The following CCSER2 variants were observed in gnomAD, a reference collection of about 807,000 sequenced individuals.
The protein encoded by CCSER2 is serine-rich coiled-coil domain-containing protein 2.
Under a neutral mutation model 92.3 loss-of-function variants are expected in CCSER2, and 46 were observed. The observed-to-expected ratio is 0.50, with a 90% confidence interval of 0.39 to 0.64. CCSER2 has a LOEUF of 0.64. Ranked by LOEUF, CCSER2 falls within the 30% of genes least tolerant of loss-of-function variation. CCSER2 has a pLI of 0.00. For missense variants in CCSER2, 1,244 were observed against 1,238.9 expected (o/e 1.00, Z -0.06); for synonymous variants, 433 against 431.4 (o/e 1.00, Z -0.04).
intron 3 of CCSER2, among the ~76,000 whole-genome samples, chr10:84,378,994 T>A (rs902202319): frequency 3.3e-5 from 5 of 152,238 alleles, no homozygotes; most frequent in Non-Finnish European, 7.3e-5. Context: ...GGCTTTATAA[T>A]GAGTTGAGAA....
At chr10:84,356,128 T>C (rs1267459325) in intron 1 of CCSER2, among the ~76,000 whole-genome samples, 1 of 150,508 alleles carries the variant, frequency 6.6e-6, no homozygotes, top group East Asian at 1.9e-4. Flanking sequence ...AAAGGTGTTG[T>C]ATTAATCTGA....
At chr10:84,402,791 G>T (rs1842187464) in intron 3 of CCSER2, among the ~76,000 whole-genome samples, 1 of 152,132 alleles carries the variant, frequency 6.6e-6, no homozygotes, top group Non-Finnish European at 1.5e-5. Context: ...TTCAGCCAGT[G>T]TTATAAGCCA....
In CCSER2 at chr10:84,457,287, T is replaced by TATATATA. The variant is rs1845732892; in HGVS notation, c.2065-6640_2065-6639insAATATAT. Among the ~76,000 whole-genome samples, 40 of 51,290 alleles carry TATATATA rather than the reference T, an allele frequency of 7.8e-4. 1 individual carries two copies. The highest frequency in any genetic ancestry group is 1.2e-3 in the Non-Finnish European group (34 of 28,176). 33.6% of individuals were successfully genotyped at this position (51,290 alleles called of 152,430 possible). On this transcript the variant is annotated intron_variant, in intron 6 of 9. Coordinates refer to ENST00000372088, the MANE Select transcript of CCSER2 (RefSeq NM_001284240.2). ...ATATTATATATAATATATTATATAT[T>TATATATA]ATATATTATATATAATATGTTATAT...
At chr10:84,364,190 A>T (rs1845659307) in intron 1 of CCSER2, among the ~76,000 whole-genome samples, 1 of 152,202 alleles carries the variant, frequency 6.6e-6, no homozygotes, top group Non-Finnish European at 1.5e-5. Context: ...AAGGCCTAAG[A>T]CATCATTGCA....
chr10:84,332,436 A>ATATATATATATATTTT (rs1401635246), intron 1 of CCSER2, among the ~76,000 whole-genome samples: 1 of 55,206 alleles, frequency 1.8e-5, no homozygotes, highest in African/African-American at 1.2e-4. Flanking sequence ...ATATATATAT[A>ATATATATATATATTTT]TTTTTTTTTT....
chr10:84,445,088 A>G (rs892350308), intron 6 of CCSER2, among the ~76,000 whole-genome samples: 1 of 152,178 alleles, frequency 6.6e-6, no homozygotes, highest in Non-Finnish European at 1.5e-5. Flanking sequence ...TTGAATAAGA[A>G]TTTTGACCCT....
At chr10:84,396,515 A>G (rs1487613863) in intron 3 of CCSER2, among the ~76,000 whole-genome samples, 2 of 151,834 alleles carry the variant, frequency 1.3e-5, no homozygotes, top group East Asian at 3.9e-4. Context: ...TTTTAGGTTC[A>G]TTTGTTGCTG....
At chr10:84,373,076 C>A (rs1442621693) in intron 2 of CCSER2, among the ~76,000 whole-genome samples, 5 of 151,802 alleles carry the variant, frequency 3.3e-5, no homozygotes, top group Non-Finnish European at 5.9e-5. Context: ...ATTTGTATGC[C>A]CATATACCTG....
At chr10:84,417,747 A>AT (rs753728332) in intron 3 of CCSER2, 24 bp from the exon 4 acceptor site, 12 of 1,210,044 alleles carry the variant, frequency 9.9e-6, no homozygotes, top group Non-Finnish European at 1.4e-5. Flanking sequence ...ATTATGGTAT[A>AT]TTTTTTACTG....
intron 1 of CCSER2, among the ~76,000 whole-genome samples, chr10:84,337,643 A>G (rs138019749): frequency 2.6e-5 from 4 of 152,334 alleles, no homozygotes; most frequent in African/African-American, 9.6e-5. Context: ...TTTTTAAAAG[A>G]TGGATGCTCT....
intron 9 of CCSER2, among the ~76,000 whole-genome samples, chr10:84,497,302 G>A (rs79404205): frequency 1.8e-4 from 27 of 152,360 alleles, no homozygotes; most frequent in African/African-American, 6.5e-4. Flanking sequence ...ACGCATTGTA[G>A]GTGGCAGAAA....
intron 9 of CCSER2, among the ~76,000 whole-genome samples, chr10:84,510,912 A>T (rs766046349): frequency 6.6e-6 from 1 of 152,112 alleles, no homozygotes; most frequent in Non-Finnish European, 1.5e-5. Context: ...CGTGAAAGAG[A>T]CTTTTTGTTT....
chr10:84,336,057 A>G (rs1006367005), intron 1 of CCSER2, among the ~76,000 whole-genome samples: 3 of 151,822 alleles, frequency 2.0e-5, no homozygotes, highest in African/African-American at 7.3e-5. Context: ...TATTTTCCTC[A>G]TTTTAGGAGT....
chr10:84,349,862 A>G (rs1589415762), intron 1 of CCSER2, among the ~76,000 whole-genome samples: 1 of 152,044 alleles, frequency 6.6e-6, no homozygotes, highest in African/African-American at 2.4e-5. Flanking sequence ...TTAGAAATGT[A>G]AATCAGATCG....
intron 3 of CCSER2, among the ~76,000 whole-genome samples, chr10:84,381,283 C>T (rs191866023): frequency 1.4e-3 from 209 of 152,186 alleles, no homozygotes; most frequent in African/African-American, 4.5e-3. Flanking sequence ...AGACTTCATC[C>T]GAAGTTGGTA....
At chr10:84,398,034 A>G (rs1416610254) in intron 3 of CCSER2, among the ~76,000 whole-genome samples, 1 of 152,074 alleles carries the variant, frequency 6.6e-6, no homozygotes, top group East Asian at 1.9e-4. Context: ...AAAACAACAC[A>G]CTGTTTGTTA....
intron 6 of CCSER2, among the ~76,000 whole-genome samples, chr10:84,456,664 T>TG (rs1243232435): frequency 2.6e-5 from 4 of 152,302 alleles, no homozygotes; most frequent in Admixed American, 1.3e-4. Flanking sequence ...ACTACCAAAC[T>TG]GTTTTCCTTG....
At position 84,514,196 on chromosome 10, in the gene CCSER2, G is replaced by A; in HGVS notation, c.3073G>A (p.Gly1025Ser). Residue 1025 changes from glycine to serine, a missense_variant, in exon 10 of 10, where the codon GGC (glycine) becomes AGC (serine). Coordinates refer to ENST00000372088, the MANE Select transcript of CCSER2 (RefSeq NM_001284240.2). ...QRKEIMQNPN[G>S]NLHSGDCLAS... is the part of the protein sequence containing the mutation. ...AAAAGAAATCATGCAGAATCCAAAT[G>A]GCAATTTGCATTCTGGGGATTGTTT... is the stretch of plus-strand genomic sequence containing the variant. 1 of 1,536,392 alleles carries A rather than the reference G, an allele frequency of 6.5e-7. No individual in the cohort carries two copies. Among genetic ancestry groups the A allele is most frequent in the South Asian group, 1.2e-5 (1 of 84,062 alleles).
chr10:84,329,785 T>C (rs1343461106), intron 1 of CCSER2, among the ~76,000 whole-genome samples: 4 of 152,240 alleles, frequency 2.6e-5, no homozygotes, highest in Non-Finnish European at 5.9e-5. Context: ...GTGATAAAAA[T>C]GTAAATATTC....
Sources: gnomAD v4.1 joint callset for allele counts (sites outside exome capture counted in the v4.1 genomes callset) on GRCh38, gnomAD v4.1.1 for gene constraint, MANE v1.5 for transcripts, NCBI Gene and HGNC (gene_info 2026-07-23, HGNC 2026-07-21) for gene names.